Variants in SPRY3 observed in about 807,000 individuals in gnomAD.
SPRY3 encodes protein sprouty homolog 3.
A neutral mutation model predicts 20.2 loss-of-function variants in SPRY3; 15 were observed. That is an observed-to-expected ratio of 0.74 (90% CI 0.50 to 1.14). The LOEUF is 1.14. Ranked by LOEUF, SPRY3 falls within the 50% of genes most tolerant of loss-of-function variation. The probability of loss-of-function intolerance (pLI) is 0.00; values close to 1 mark genes in which losing one functional copy is unlikely to be tolerated. For synonymous variants in SPRY3, 143 were observed against 136.5 expected (o/e 1.05, Z -0.33); for missense variants, 364 against 363.9 (o/e 1.00, Z 0.00).
Position 155,658,084 on chromosome X carries a change from G to T in SPRY3, c.-282+1059G>T, listed in dbSNP as rs1198076526. On this transcript the variant is annotated intron_variant, in intron 2 of 3. Transcript: ENST00000675360. ...CCAGCAGAATCTACTGTGCCGTTTTGGTTGCTATAGCCTTGTAGCATAATT... is the reference window on the plus strand; with the variant it reads ...CCAGCAGAATCTACTGTGCCGTTTTTGTTGCTATAGCCTTGTAGCATAATT... 2.7e-5 allele frequency among the ~76,000 whole-genome samples: 3 copies of T among 112,278 alleles called. No individual in the cohort carries two copies. In the Admixed American group the frequency reaches 2.8e-4, roughly 11 times the overall value.
chrX:155,744,133 G>C (rs2091215319), intron 2 of SPRY3, among the ~76,000 whole-genome samples: 1 of 152,046 alleles, frequency 6.6e-6, no homozygotes, highest in Non-Finnish European at 1.5e-5. Flanking sequence ...TCAGAGGTGA[G>C]GCCACCTATG....
chrX:155,704,510 C>A (rs1213999066), intron 2 of SPRY3, among the ~76,000 whole-genome samples: 1 of 151,408 alleles, frequency 6.6e-6, no homozygotes, highest in East Asian at 1.9e-4. Context: ...GAAAAGAAAA[C>A]ATTCAAGAGC....
intron 2 of SPRY3, among the ~76,000 whole-genome samples, chrX:155,692,917 T>C (rs1039305977): frequency 1.8e-5 from 2 of 111,347 alleles, no homozygotes; most frequent in African/African-American, 6.5e-5. Context: ...CTCTCTCTTT[T>C]ATTTTCTTGA....
intron 1 of SPRY3, among the ~76,000 whole-genome samples, chrX:155,655,707 A>C (rs372122209): frequency 9.0e-6 from 1 of 111,024 alleles, no homozygotes; most frequent in African/African-American, 3.3e-5. Flanking sequence ...GTCCATTTTT[A>C]TACCACTACC....
At chrX:155,652,672 G>C (rs1245278644) in intron 1 of SPRY3, among the ~76,000 whole-genome samples, 2 of 112,036 alleles carry the variant, frequency 1.8e-5, no homozygotes, top group African/African-American at 6.5e-5. Flanking sequence ...ACTGTGAATA[G>C]TGTTTCTATG....
At chrX:155,758,726 A>C (rs2124589560) in intron 2 of SPRY3, among the ~76,000 whole-genome samples, 1 of 152,266 alleles carries the variant, frequency 6.6e-6, no homozygotes, top group Non-Finnish European at 1.5e-5. Flanking sequence ...TTATAAAAAC[A>C]AAACATGACA....
intron 1 of SPRY3, among the ~76,000 whole-genome samples, chrX:155,619,192 G>A (rs1557349189): frequency 9.0e-6 from 1 of 111,190 alleles, no homozygotes; most frequent in African/African-American, 3.3e-5. Flanking sequence ...TCCATTTTCA[G>A]TGACTTTTTT....
At chrX:155,755,233 AC>A (rs2091279660) in intron 2 of SPRY3, among the ~76,000 whole-genome samples, 1 of 150,538 alleles carries the variant, frequency 6.6e-6, no homozygotes, top group Non-Finnish European at 1.5e-5. Context: ...TTAATCTTTT[AC>A]CCCAATGTCT....
At chrX:155,712,866 T>C (rs968217804) in intron 2 of SPRY3, among the ~76,000 whole-genome samples, 38 of 152,014 alleles carry the variant, frequency 2.5e-4, no homozygotes, top group Non-Finnish European at 4.7e-4. Flanking sequence ...GAGGTTACCA[T>C]GAGGCCTGCA....
chrX:155,715,363 ATGT>A (rs1324269360), intron 2 of SPRY3, among the ~76,000 whole-genome samples: 2 of 152,002 alleles, frequency 1.3e-5, no homozygotes, highest in Non-Finnish European at 2.9e-5. Context: ...GTGTCTAGAA[ATGT>A]TGTCTGGGAG....
chrX:155,739,712 C>T (rs1602979413), intron 2 of SPRY3, among the ~76,000 whole-genome samples: 1 of 152,186 alleles, frequency 6.6e-6, no homozygotes, highest in East Asian at 1.9e-4. Context: ...CAGCAAACTG[C>T]AGCAGTCCTG....
chrX:155,628,882 C>T (rs782055285), intron 1 of SPRY3, among the ~76,000 whole-genome samples: 5 of 111,917 alleles, frequency 4.5e-5, no homozygotes, highest in African/African-American at 1.6e-4. Context: ...TTGCATTTCC[C>T]TGATGGTAAT....
intron 2 of SPRY3, among the ~76,000 whole-genome samples, chrX:155,684,403 G>A (rs1006860115): frequency 9.0e-6 from 1 of 110,946 alleles, no homozygotes; most frequent in Non-Finnish European, 1.9e-5. Context: ...GGAAAGGGGG[G>A]ACATTGCTTT....
intron 2 of SPRY3, among the ~76,000 whole-genome samples, chrX:155,764,921 G>A (rs1208448899): frequency 6.6e-6 from 1 of 152,162 alleles, no homozygotes; most frequent in African/African-American, 2.4e-5. Flanking sequence ...CAGTTGTAAA[G>A]GCTGGGAAGT....
At chrX:155,711,180 T>A (rs2090983714) in intron 2 of SPRY3, among the ~76,000 whole-genome samples, 1 of 151,888 alleles carries the variant, frequency 6.6e-6, no homozygotes, top group East Asian at 1.9e-4. Flanking sequence ...CATCATAGAA[T>A]GAGTTTAGAA....
chrX:155,710,043 A>T (rs2090975675), intron 2 of SPRY3, among the ~76,000 whole-genome samples: 1 of 151,714 alleles, frequency 6.6e-6, no homozygotes, highest in African/African-American at 2.4e-5. Flanking sequence ...TGCGAGTACC[A>T]TGCTGTTTTG....
In SPRY3 at chrX:155,680,206, G is replaced by GAA. The variant is rs755663601; in HGVS notation, c.-282+23182_-282+23183insAA. ...TGTGTGTGTGTTTGAGGGAGAGAGAGAGAGAGAGAGAGAAGAGAAGAGAAG... is the reference window on the plus strand; with the variant it reads ...TGTGTGTGTGTTTGAGGGAGAGAGAGAAAGAGAGAGAGAGAAGAGAAGAGAAG... On this transcript the variant is annotated intron_variant, in intron 2 of 3. Coordinates refer to ENST00000675360, the Ensembl canonical transcript of SPRY3. 6.1e-3 allele frequency among the ~76,000 whole-genome samples: 634 copies of GAA among 103,987 alleles called. 4 individuals are homozygous for GAA. Among genetic ancestry groups the GAA allele is most frequent in the African/African-American group, 0.022 (603 of 27,961 alleles). The allele number at this position is 103,987 out of a possible 115,157, so 90.3% of individuals were successfully genotyped here. A position where few individuals can be genotyped will look rare whatever the true frequency, so the allele number is the denominator to read the frequency against.
intron 1 of SPRY3, among the ~76,000 whole-genome samples, chrX:155,633,225 C>T (rs963504521): frequency 9.2e-6 from 1 of 108,439 alleles, no homozygotes; most frequent in Non-Finnish European, 1.9e-5. Flanking sequence ...CTCCTCAAAC[C>T]CAGTTCTAAA....
At chrX:155,658,187 T>A (rs2067998041) in intron 2 of SPRY3, among the ~76,000 whole-genome samples, 1 of 111,962 alleles carries the variant, frequency 8.9e-6, no homozygotes, top group Non-Finnish European at 1.9e-5. Context: ...TCTTTTTTGG[T>A]TCCATATGTA....
Sources: allele counts gnomAD v4.1 joint callset (sites outside exome capture counted in the v4.1 genomes callset), GRCh38; gene constraint gnomAD v4.1.1; transcripts MANE v1.5; gene names NCBI Gene and HGNC (gene_info 2026-07-23, HGNC 2026-07-21).